RFX7: variants seen among roughly 807,000 people sequenced by gnomAD.
RFX7 encodes the protein regulatory factor X7.
Under a neutral mutation model 111.8 loss-of-function variants are expected in RFX7, and 26 were observed. The observed-to-expected ratio is 0.23, with a 90% CI of 0.17 to 0.32. The LOEUF is 0.32. Among genes scored for constraint, RFX7 ranks in the 10% least tolerant of loss-of-function variants. RFX7 has a pLI of 1.00. For missense variants in RFX7, 1,573 were observed against 1,772.9 expected (o/e 0.89, Z 2.02); for synonymous variants, 624 against 624.4 (o/e 1.00, Z 0.01).
At chr15:56,141,554 G>A (rs1290578799) in intron 5 of RFX7, among the ~76,000 whole-genome samples, 1 of 150,704 alleles carries the variant, frequency 6.6e-6, no homozygotes, top group Non-Finnish European at 1.5e-5. Flanking sequence ...AAGTTTACCT[G>A]ATTTCTATAA....
intron 2 of RFX7, among the ~76,000 whole-genome samples, chr15:56,211,697 C>G (rs373181092): frequency 2.4e-4 from 36 of 152,148 alleles, no homozygotes; most frequent in Middle Eastern, 3.4e-3. Context: ...TTATAATCAA[C>G]CCCATTAAAA....
At chr15:56,171,421 C>T (rs1388810500) in intron 3 of RFX7, among the ~76,000 whole-genome samples, 1 of 151,912 alleles carries the variant, frequency 6.6e-6, no homozygotes, top group African/African-American at 2.4e-5. Flanking sequence ...AAAAGCGAGG[C>T]TGAAAGAGAT....
chr15:56,123,781 G>A (rs368548261), intron 5 of RFX7, among the ~76,000 whole-genome samples: 243 of 152,266 alleles, frequency 1.6e-3, no homozygotes, highest in African/African-American at 5.7e-3. Context: ...GGCTAGGGCT[G>A]GTCTGAATGC....
chr15:56,128,368 T>C (rs2042171722), intron 5 of RFX7, among the ~76,000 whole-genome samples: 1 of 152,194 alleles, frequency 6.6e-6, no homozygotes, highest in South Asian at 2.1e-4. Flanking sequence ...GCTGCATACA[T>C]AATGGATTAG....
rs2041557730 is a variant in RFX7 at position 56,088,680 on chromosome 15, A to G, written c.*4665T>C. The G allele has an allele frequency of 6.6e-6, 1 of 152,202 alleles. No homozygotes were observed. The highest frequency in any genetic ancestry group is 2.1e-4 in the South Asian group (1 of 4,834). The allele number at this position is 152,202 out of a possible 1,614,324, so 9.4% of individuals were successfully genotyped here. A position where few individuals can be genotyped will look rare whatever the true frequency, so the allele number is the denominator to read the frequency against. On this transcript the variant is annotated 3_prime_UTR_variant, in exon 10 of 10. Coordinates refer to ENST00000559447, the MANE Select transcript of RFX7 (RefSeq NM_022841.7). ...ATTCATTTATAACAATGCATGTCAA[A>G]ATAAATCTGTACTTCAGATTTAACA...
At chr15:56,179,574 A>AT (rs1175056758) in intron 2 of RFX7, among the ~76,000 whole-genome samples, 6 of 152,262 alleles carry the variant, frequency 3.9e-5, no homozygotes, top group African/African-American at 1.4e-4. Context: ...TTAACAGTGT[A>AT]TAAGTGCAGA....
intron 2 of RFX7, among the ~76,000 whole-genome samples, chr15:56,200,692 G>A (rs1596004986): frequency 1.3e-5 from 2 of 151,856 alleles, no homozygotes; most frequent in African/African-American, 4.8e-5. Context: ...CCAGCTACTC[G>A]GGAGGCTGAG....
intron 2 of RFX7, among the ~76,000 whole-genome samples, chr15:56,205,465 T>C (rs2043240205): frequency 6.6e-6 from 1 of 152,228 alleles, no homozygotes; most frequent in African/African-American, 2.4e-5. Context: ...ATATTGCAAC[T>C]ATCTTCTCTC....
At chr15:56,161,526 A>G (rs1325886177) in intron 3 of RFX7, among the ~76,000 whole-genome samples, 2 of 152,078 alleles carry the variant, frequency 1.3e-5, no homozygotes, top group African/African-American at 4.8e-5. Flanking sequence ...GCTCTAAAAT[A>G]TATTTCGGTT....
Position 56,111,346 on chromosome 15 carries a change from AC to A in RFX7, c.402-7677del, listed in dbSNP as rs1567011966. 2.0e-5 allele frequency among the ~76,000 whole-genome samples: 3 copies of A among 152,024 alleles called. No homozygotes were observed. In the South Asian group the frequency reaches 6.3e-4, roughly 32 times the overall value. ...TGGGATCCTGTTGATCTGTGACCTT[AC>A]CCCCAACCCGGTGCTCTCTGAAACA... On this transcript the variant is annotated intron_variant, in intron 5 of 9. Transcript: ENST00000559447.
At chr15:56,184,019 AGTT>A in intron 2 of RFX7, among the ~76,000 whole-genome samples, 1 of 148,000 alleles carries the variant, frequency 6.8e-6, no homozygotes, top group East Asian at 2.0e-4. Context: ...AACAGCATGT[AGTT>A]GTTTTTTTTT....
intron 5 of RFX7, among the ~76,000 whole-genome samples, chr15:56,114,649 T>C (rs1357765335): frequency 6.6e-6 from 1 of 151,998 alleles, no homozygotes; most frequent in Non-Finnish European, 1.5e-5. Flanking sequence ...ATGAACAATA[T>C]ATCTGAAAGA....
intron 5 of RFX7, among the ~76,000 whole-genome samples, chr15:56,109,676 C>T (rs62044081): frequency 6.0e-5 from 9 of 150,482 alleles, no homozygotes; most frequent in African/African-American, 1.2e-4. Context: ...GTCTGAGATG[C>T]GGGGAGCGCC....
Position 56,101,381 on chromosome 15 carries a change from A to G in RFX7, c.789T>C (p.Thr263=). 6.2e-7 allele frequency: 1 copy of G among 1,600,622 alleles called. No individual in the cohort carries two copies. The highest frequency in any genetic ancestry group is 8.5e-7 in the Non-Finnish European group (1 of 1,173,462). ...YIGTKSMAAL[T]VMAAAPAGMK... ...TACCTGCTGGTGCTGCTGCCATTAC[A>G]GTTAGAGCTGCCATTGACTTGGTGC... Residue 263 remains threonine, a synonymous_variant, in exon 8 of 10, where the codon ACT becomes ACC. Transcript: ENST00000559447.
At chr15:56,121,159 T>C (rs78575028) in intron 5 of RFX7, among the ~76,000 whole-genome samples, 9,997 of 152,332 alleles carry the variant, frequency 0.066, 455 homozygotes, top group Admixed American at 0.1. Flanking sequence ...TTAGTATTTC[T>C]TGTATGCCAA....
At position 56,175,219 on chromosome 15, in the gene RFX7, A is replaced by G. The variant is rs549256310; in HGVS notation, c.195+4051T>C. Among the ~76,000 whole-genome samples the G allele has an allele frequency of 9.6e-4, 146 of 152,182 alleles. 1 individual carries two copies. Among genetic ancestry groups the G allele is most frequent in the Admixed American group, 2.0e-3 (31 of 15,274 alleles). On this transcript the variant is annotated intron_variant, in intron 3 of 9. Transcript: ENST00000559447. ...TAGCATCTAAAAACTTTTAGTTTTA[A>G]TAAAATGTGTACAAAACCTATACAC...
chr15:56,206,770 T>C (rs1029798892), intron 2 of RFX7, among the ~76,000 whole-genome samples: 8 of 151,510 alleles, frequency 5.3e-5, no homozygotes, highest in African/African-American at 1.9e-4. Context: ...GTACATGTTC[T>C]CACTTACTTG....
intron 2 of RFX7, among the ~76,000 whole-genome samples, chr15:56,180,117 A>G (rs186109912): frequency 2.0e-5 from 3 of 152,212 alleles, no homozygotes; most frequent in Non-Finnish European, 2.9e-5. Context: ...TGTTAAAACC[A>G]AATTGTCTTC....
intron 2 of RFX7, among the ~76,000 whole-genome samples, chr15:56,226,340 T>C (rs1440506664): frequency 3.3e-5 from 5 of 152,096 alleles, no homozygotes; most frequent in African/African-American, 1.2e-4. Flanking sequence ...GAATTCATGA[T>C]TAATTAAAAG....
Sources: gnomAD v4.1 joint callset for allele counts (sites outside exome capture counted in the v4.1 genomes callset) on GRCh38, gnomAD v4.1.1 for gene constraint, MANE v1.5 for transcripts, NCBI Gene and HGNC (gene_info 2026-07-23, HGNC 2026-07-21) for gene names.